HMGA2: variants seen among roughly 807,000 people sequenced by gnomAD.
HMGA2 encodes the protein high mobility group AT-hook 2, also known as high mobility group protein HMGI-C.
HMGA2 carries 8 observed loss-of-function variants against 19.1 expected under a neutral mutation model. That is an observed-to-expected ratio of 0.42 (90% CI 0.25 to 0.76). The LOEUF (loss-of-function observed/expected upper bound fraction) is 0.76. Among genes scored for constraint, HMGA2 ranks in the 30% least tolerant of loss-of-function variants. The probability of loss-of-function intolerance (pLI) is 0.28; values close to 1 mark genes in which losing one functional copy is unlikely to be tolerated. For synonymous variants in HMGA2, 60 were observed against 48.8 expected, an observed-to-expected ratio of 1.23 and a Z score of -0.96; for missense variants, 109 against 136.3, an observed-to-expected ratio of 0.80 and a Z score of 1.00.
chr12:65,921,983 T>C (rs976852187), intron 3 of HMGA2, among the ~76,000 whole-genome samples: 2 of 152,216 alleles, frequency 1.3e-5, no homozygotes, highest in East Asian at 3.9e-4. Context: ...AAGTCAAGAA[T>C]TGAGGTTTGC....
chr12:65,829,525 T>G (rs12304905), intron 2 of HMGA2, among the ~76,000 whole-genome samples: 6,328 of 152,118 alleles, frequency 0.042, 390 homozygotes, highest in African/African-American at 0.14. Context: ...TTTACTTTTA[T>G]TCTAAGGAGA....
intron 2 of HMGA2, among the ~76,000 whole-genome samples, chr12:65,830,087 C>A (rs957561952): frequency 1.3e-5 from 2 of 151,842 alleles, no homozygotes; most frequent in African/African-American, 4.8e-5. Flanking sequence ...TTATAAAAAT[C>A]CCTCTTGTAA....
At chr12:65,890,940 A>T (rs1179565542) in intron 3 of HMGA2, among the ~76,000 whole-genome samples, 1 of 152,084 alleles carries the variant, frequency 6.6e-6, no homozygotes, top group Non-Finnish European at 1.5e-5. Context: ...CATGTTGGCC[A>T]GGCTGATCTC....
At chr12:65,863,614 T>C (rs1339374979) in intron 3 of HMGA2, among the ~76,000 whole-genome samples, 1 of 152,186 alleles carries the variant, frequency 6.6e-6, no homozygotes, top group Non-Finnish European at 1.5e-5. Flanking sequence ...ATGGACCAGA[T>C]GATGAGAAAC....
intron 3 of HMGA2, among the ~76,000 whole-genome samples, chr12:65,945,112 G>A (rs1876218430): frequency 6.6e-6 from 1 of 151,880 alleles, no homozygotes; most frequent in African/African-American, 2.4e-5. Context: ...ATCCTGGGAG[G>A]GCAGAGATGG....
Position 65,825,237 on chromosome 12 carries a change from G to T in HMGA2, c.-34G>T. On this transcript the variant is annotated 5_prime_UTR_variant, in exon 1 of 5. Coordinates refer to ENST00000403681, the MANE Select transcript of HMGA2 (RefSeq NM_003483.6). This position sits in a 1 kb window ranked among gnomAD's most constrained non-coding sequence, Gnocchi z 4.4. ...AGCTCCGGGGCGGTCGAGGCGAAGC[G>T]GCTGCAGCGGCGGTAGCGGCGGCGG... 1.3e-6 allele frequency: 2 copies of T among 1,505,310 alleles called. No individual in the cohort carries two copies. The highest frequency in any genetic ancestry group is 1.2e-5 in the South Asian group (1 of 82,070). 93.2% of individuals were successfully genotyped at this position (1,505,310 alleles called of 1,614,324 possible). A position where few individuals can be genotyped will look rare whatever the true frequency, so the allele number is the denominator to read the frequency against.
At chr12:65,957,016 G>A (rs1876624866) in intron 4 of HMGA2, 1 of 152,148 alleles carries the variant, frequency 6.6e-6, no homozygotes, top group African/African-American at 2.4e-5. Context: ...GGAAATGTTT[G>A]CTGGACACTC....
At chr12:65,894,464 TGTTTTGC>T (rs1336497643) in intron 3 of HMGA2, among the ~76,000 whole-genome samples, 3 of 152,226 alleles carry the variant, frequency 2.0e-5, no homozygotes, top group Non-Finnish European at 2.9e-5. Context: ...GCATTTATTT[TGTTTTGC>T]GCTTAAATTT....
At chr12:65,855,446 T>TCACACA (rs1871683341) in intron 3 of HMGA2, among the ~76,000 whole-genome samples, 1 of 92,588 alleles carries the variant, frequency 1.1e-5, no homozygotes, top group African/African-American at 4.3e-5. Flanking sequence ...TCTTTCTCTC[T>TCACACA]CTCTCTCTCT....
At chr12:65,845,465 C>T (rs1311197399) in intron 3 of HMGA2, among the ~76,000 whole-genome samples, 1 of 152,036 alleles carries the variant, frequency 6.6e-6, no homozygotes, top group African/African-American at 2.4e-5. Context: ...GACGCAGTTT[C>T]GCCATGTTGG....
chr12:65,943,334 A>G (rs374527979), intron 3 of HMGA2, among the ~76,000 whole-genome samples: 23 of 152,266 alleles, frequency 1.5e-4, no homozygotes, highest in African/African-American at 5.3e-4. Context: ...ACTCCATTCC[A>G]AAGGTGTCTG....
chr12:65,906,257 A>G (rs1874587449), intron 3 of HMGA2, among the ~76,000 whole-genome samples: 1 of 152,110 alleles, frequency 6.6e-6, no homozygotes, highest in Admixed American at 6.5e-5. Context: ...CACACATAAC[A>G]ATGGCTTGGA....
chr12:65,846,904 T>C (rs1438972367), intron 3 of HMGA2, among the ~76,000 whole-genome samples: 1 of 152,216 alleles, frequency 6.6e-6, no homozygotes, highest in African/African-American at 2.4e-5. Flanking sequence ...TATTATTCTA[T>C]GCTTCAGATG....
chr12:65,935,602 C>T (rs1235761887), intron 3 of HMGA2, among the ~76,000 whole-genome samples: 1 of 151,966 alleles, frequency 6.6e-6, no homozygotes, highest in Non-Finnish European at 1.5e-5. Context: ...AACTCTTTAA[C>T]AGCCTAAGCA....
chr12:65,825,435 G>T lies in HMGA2; in HGVS notation c.111+54G>T, dbSNP rs1247220150. 8 of 1,288,726 alleles carry T rather than the reference G, an allele frequency of 6.2e-6. No homozygotes were observed. The highest frequency in any genetic ancestry group is 6.2e-6 in the Non-Finnish European group (6 of 970,850). The allele number at this position is 1,288,726 out of a possible 1,614,324, so 79.8% of individuals were successfully genotyped here. A position where few individuals can be genotyped will look rare whatever the true frequency, so the allele number is the denominator to read the frequency against. ...AGCCCACCCCGTCCCCACTGCCGGG[G>T]CCCAGACACGCGCGGGGCGGCCGGA... On this transcript the variant is annotated intron_variant, in intron 1 of 4. Coordinates refer to ENST00000403681, the MANE Select transcript of HMGA2 (RefSeq NM_003483.6). This position sits in a 1 kb window ranked among gnomAD's most constrained non-coding sequence, Gnocchi z 4.4.
chr12:65,862,080 G>C (rs1002550195), intron 3 of HMGA2, among the ~76,000 whole-genome samples: 1 of 151,914 alleles, frequency 6.6e-6, no homozygotes, highest in Non-Finnish European at 1.5e-5. Context: ...TCTGACCTCA[G>C]GTGATCCACC....
intron 3 of HMGA2, among the ~76,000 whole-genome samples, chr12:65,903,374 T>A (rs981991600): frequency 6.6e-6 from 1 of 152,190 alleles, no homozygotes; most frequent in African/African-American, 2.4e-5. Flanking sequence ...ATCAATTGAT[T>A]TTTCAGCCAT....
At chr12:65,842,532 A>T in intron 3 of HMGA2, 1 of 1,293,596 alleles carries the variant, frequency 7.7e-7, no homozygotes, top group South Asian at 1.3e-5. Flanking sequence ...ATATTAATCA[A>T]GTTTAAGAAC....
chr12:65,964,237 A>G lies in HMGA2; in HGVS notation c.*945A>G, dbSNP rs1876837639. 4.9e-6 allele frequency: 1 copy of G among 202,572 alleles called. No homozygotes were observed. The highest frequency in any genetic ancestry group is 1.0e-5 in the Non-Finnish European group (1 of 98,830). 12.5% of individuals were successfully genotyped at this position (202,572 alleles called of 1,614,324 possible). A position where few individuals can be genotyped will look rare whatever the true frequency, so the allele number is the denominator to read the frequency against. On this transcript the variant is annotated 3_prime_UTR_variant, in exon 5 of 5. Coordinates refer to ENST00000403681, the MANE Select transcript of HMGA2 (RefSeq NM_003483.6). ...TGAACTCACCTAATTATGAGGTGGGAGGAGCGAAATCTAAATTTCTTTTGC... is the reference window on the plus strand; with the variant it reads ...TGAACTCACCTAATTATGAGGTGGGGGGAGCGAAATCTAAATTTCTTTTGC...
Sources: gnomAD v4.1 joint callset for allele counts (sites outside exome capture counted in the v4.1 genomes callset) on GRCh38, gnomAD v4.1.1 for gene constraint, Gnocchi (gnomAD v3.1) non-coding constraint, MANE v1.5 for transcripts, NCBI Gene and HGNC (gene_info 2026-07-23, HGNC 2026-07-21) for gene names.